PDE3B: variants seen among roughly 807,000 people sequenced by gnomAD.
PDE3B encodes the protein cGMP-inhibited 3',5'-cyclic phosphodiesterase 3B.
Under a neutral mutation model 116.8 loss-of-function variants are expected in PDE3B, and 66 were observed. The observed-to-expected ratio is 0.56, with a 90% CI of 0.46 to 0.69. The LOEUF is 0.69. Among genes scored for constraint, PDE3B ranks in the 30% least tolerant of loss-of-function variants. The probability of loss-of-function intolerance (pLI) is 0.00; values close to 1 mark genes in which losing one functional copy is unlikely to be tolerated. For synonymous variants in PDE3B, 595 were observed against 533.6 expected, an observed-to-expected ratio of 1.12 and a Z score of -1.59; for missense variants, 1,384 against 1,368.1, an observed-to-expected ratio of 1.01 and a Z score of -0.18.
In PDE3B at chr11:14,644,973, T is replaced by G; in HGVS notation, c.898T>G (p.Leu300Val). The change falls in exon 1 of 16, where the codon TTA becomes GTA. Residue 300 changes from leucine (L) to valine (V), a missense_variant. Physicochemically the swap from Leu to Val is conservative, Grantham distance 32. Transcript: ENST00000282096. ...CCGGAGGAGGTCCAGCTGCGTGTCG[T>G]TAGGAGAAACTGCAGCCAGTTACTA... ...RPRRRSSCVS[L>V]GETAASYYGS... 6.2e-7 allele frequency: 1 copy of G among 1,613,862 alleles called. No homozygotes were observed. Among genetic ancestry groups the G allele is most frequent in the Non-Finnish European group, 8.5e-7 (1 of 1,179,930 alleles).
chr11:14,859,009 G>A (rs1847898621), intron 12 of PDE3B, 34 bp from the exon 13 acceptor site: 1 of 1,443,692 alleles, frequency 6.9e-7, no homozygotes. Context: ...ATATCTTTGA[G>A]GTGTCTGCCT....
At chr11:14,859,864 A>G (rs1847915040) in intron 13 of PDE3B, among the ~76,000 whole-genome samples, 1 of 152,176 alleles carries the variant, frequency 6.6e-6, no homozygotes, top group Non-Finnish European at 1.5e-5. Flanking sequence ...TGACGGTGGT[A>G]CTCATGGGAC....
chr11:14,886,000 C>G, the PDE3B span: 1 of 1,368,334 alleles, frequency 7.3e-7, no homozygotes, highest in Non-Finnish European at 1.0e-6. Context: ...GTGGTAAGTG[C>G]GGCTCTTCCA....
chr11:14,781,398 G>T (rs544703724), intron 2 of PDE3B, among the ~76,000 whole-genome samples: 1 of 152,320 alleles, frequency 6.6e-6, no homozygotes, highest in East Asian at 1.9e-4. Context: ...GAACATCGAT[G>T]CAAAAATCCT....
At chr11:14,846,885 A>G (rs897178699) in intron 12 of PDE3B, among the ~76,000 whole-genome samples, 1 of 152,192 alleles carries the variant, frequency 6.6e-6, no homozygotes, top group African/African-American at 2.4e-5. Context: ...CCACACAATA[A>G]TAATGGGGGA....
intron 1 of PDE3B, among the ~76,000 whole-genome samples, chr11:14,732,070 G>T (rs187295701): frequency 1.3e-5 from 2 of 152,206 alleles, no homozygotes; most frequent in East Asian, 3.9e-4. Context: ...CCTAAAGGAG[G>T]TATGGGAAGG....
chr11:14,705,587 G>A (rs757038144), intron 1 of PDE3B, among the ~76,000 whole-genome samples: 3 of 151,684 alleles, frequency 2.0e-5, no homozygotes, highest in African/African-American at 4.8e-5. Flanking sequence ...TACAACATTT[G>A]TTAAAAATAA....
intron 1 of PDE3B, among the ~76,000 whole-genome samples, chr11:14,740,824 G>T (rs939614771): frequency 2.0e-5 from 3 of 152,176 alleles, no homozygotes; most frequent in African/African-American, 7.2e-5. Context: ...TGGTTTCAAA[G>T]AATTTATTCA....
intron 7 of PDE3B, among the ~76,000 whole-genome samples, chr11:14,823,933 T>C (rs1411844011): frequency 6.6e-6 from 1 of 151,998 alleles, no homozygotes; most frequent in Non-Finnish European, 1.5e-5. Flanking sequence ...GAACTCCCAG[T>C]GGGAGGGGTG....
At chr11:14,852,854 A>C (rs1464058740) in intron 12 of PDE3B, among the ~76,000 whole-genome samples, 2 of 152,144 alleles carry the variant, frequency 1.3e-5, no homozygotes, top group Non-Finnish European at 2.9e-5. Context: ...TGAGCCTAGG[A>C]GTTTGAGACC....
chr11:14,693,315 G>T (rs1009017766), intron 1 of PDE3B, among the ~76,000 whole-genome samples: 1 of 152,190 alleles, frequency 6.6e-6, no homozygotes, highest in Non-Finnish European at 1.5e-5. Flanking sequence ...TAAGGTAAGT[G>T]GAAGGTGGCT....
chr11:14,658,787 T>C (rs1853796513), intron 1 of PDE3B, among the ~76,000 whole-genome samples: 1 of 152,234 alleles, frequency 6.6e-6, no homozygotes, highest in Admixed American at 6.5e-5. Context: ...TGTGCATTTA[T>C]TGTTGCACTT....
intron 1 of PDE3B, among the ~76,000 whole-genome samples, chr11:14,675,963 C>T (rs1854520610): frequency 6.6e-6 from 1 of 152,090 alleles, no homozygotes. Context: ...CTGACATACA[C>T]TTTTTCAAAG....
intron 12 of PDE3B, among the ~76,000 whole-genome samples, chr11:14,845,129 T>C (rs1263200024): frequency 6.6e-6 from 1 of 151,862 alleles, no homozygotes; most frequent in Non-Finnish European, 1.5e-5. Context: ...TGGGTACTCC[T>C]CCGAGACAAA....
intron 1 of PDE3B, among the ~76,000 whole-genome samples, chr11:14,756,492 C>T (rs1328511126): frequency 6.6e-6 from 1 of 152,146 alleles, no homozygotes. Context: ...GGAGGTGATA[C>T]CCCACCTACA....
chr11:14,776,835 T>C (rs542021122), intron 2 of PDE3B, among the ~76,000 whole-genome samples: 8 of 151,900 alleles, frequency 5.3e-5, no homozygotes, highest in Non-Finnish European at 8.8e-5. Flanking sequence ...TTGTAAGTTA[T>C]AGTGAAAATA....
rs534865948 is a variant in PDE3B, at chr11:14,651,622, G to A, written c.978+6569G>A. ...CTTTTAAGTTTGGCTAGTCTAGTGG[G>A]TATGAAATGGCATTTCTTTGTGATT... On this transcript the variant is annotated intron_variant, in intron 1 of 15. Coordinates refer to ENST00000282096, the MANE Select transcript of PDE3B (RefSeq NM_000922.4). Among the ~76,000 whole-genome samples, 31 of 152,236 alleles carry A rather than the reference G, an allele frequency of 2.0e-4. No individual in the cohort carries two copies. The South Asian group carries it at 6.2e-3, about 31-fold the overall frequency.
At position 14,782,805 on chromosome 11, in the gene PDE3B, C is replaced by G. The variant is rs572928294; in HGVS notation, c.1030-3632C>G. On this transcript the variant is annotated intron_variant, in intron 2 of 15. Coordinates refer to ENST00000282096, the MANE Select transcript of PDE3B (RefSeq NM_000922.4). ...AGCTTCTGCACAGCAAAAGAAACTA[C>G]CATCAGAATGAACAGGCAACCTACA... Among the ~76,000 whole-genome samples, 359 of 152,202 alleles carry G rather than the reference C, an allele frequency of 2.4e-3. 1 individual carries two copies. The highest frequency in any genetic ancestry group is 8.1e-3 in the African/African-American group (337 of 41,542).
intron 11 of PDE3B, among the ~76,000 whole-genome samples, chr11:14,840,841 G>A (rs12574319): frequency 2.0e-5 from 3 of 152,176 alleles, no homozygotes; most frequent in Admixed American, 6.5e-5. Flanking sequence ...TTGGGACTTA[G>A]AAGGAAAAAT....
Sources: allele counts gnomAD v4.1 joint callset (sites outside exome capture counted in the v4.1 genomes callset), GRCh38; gene constraint gnomAD v4.1.1; transcripts MANE v1.5; gene names NCBI Gene and HGNC (gene_info 2026-07-23, HGNC 2026-07-21).